The following PKP1 variants were observed in gnomAD, a reference collection of about 807,000 sequenced individuals.
The protein encoded by PKP1 is plakophilin-1.
A neutral mutation model predicts 76.4 loss-of-function variants in PKP1; 27 were observed. The ratio of observed to expected loss-of-function variants is 0.35; its 90% confidence interval spans 0.26 to 0.49. The LOEUF (loss-of-function observed/expected upper bound fraction) is 0.49, where lower values mean the gene tolerates loss of function less well. Among genes scored for constraint, PKP1 ranks in the 20% least tolerant of loss-of-function variants. The pLI, the probability that PKP1 is intolerant of heterozygous loss-of-function variation, is 0.99. For synonymous variants in PKP1, 404 were observed against 384.2 expected, an observed-to-expected ratio of 1.05 and a Z score of -0.60; for missense variants, 964 against 955.2, an observed-to-expected ratio of 1.01 and a Z score of -0.12.
At chr1:201,309,150 G>A (rs768653886) in intron 2 of PKP1, among the ~76,000 whole-genome samples, 13 of 151,978 alleles carry the variant, frequency 8.6e-5, no homozygotes, top group Admixed American at 2.6e-4. Context: ...TCTGGGGCTT[G>A]TATTGCTTCA....
intron 12 of PKP1, 192 bp from the exon 13 acceptor site, chr1:201,328,570 C>T (rs1657217047): frequency 4.7e-6 from 3 of 644,556 alleles, no homozygotes; most frequent in East Asian, 2.8e-5. Context: ...ACACATTGCA[C>T]CGACTCATGG....
At chr1:201,312,226 T>G (rs1656576882) in intron 2 of PKP1, among the ~76,000 whole-genome samples, 6 of 152,302 alleles carry the variant, frequency 3.9e-5, no homozygotes, top group Admixed American at 2.6e-4. Context: ...CTGTTACCCT[T>G]TGCTTCTTGC....
chr1:201,307,871 G>C (rs1047713309), intron 2 of PKP1, among the ~76,000 whole-genome samples: 2 of 152,206 alleles, frequency 1.3e-5, no homozygotes, highest in Non-Finnish European at 2.9e-5. Context: ...TTCATGAAAA[G>C]GGCCTTGGGA....
intron 1 of PKP1, among the ~76,000 whole-genome samples, chr1:201,286,374 G>A (rs1375399754): frequency 6.6e-6 from 1 of 152,164 alleles, no homozygotes; most frequent in Admixed American, 6.5e-5. Context: ...CAGGTTGCCT[G>A]GAAGAGTAGC....
chr1:201,319,677 A>G, intron 6 of PKP1: 1 of 819,870 alleles, frequency 1.2e-6, no homozygotes, highest in Non-Finnish European at 2.1e-6. Context: ...CTTGGGGATG[A>G]GCCCACATTG....
chr1:201,302,337 G>A (rs7548283), intron 2 of PKP1, among the ~76,000 whole-genome samples: 9,169 of 152,192 alleles, frequency 0.06, 891 homozygotes, highest in African/African-American at 0.2. Context: ...TTTGAGCGGG[G>A]TGTGAAGAGC....
At chr1:201,311,680 A>G (rs1023929590) in intron 2 of PKP1, among the ~76,000 whole-genome samples, 1 of 145,486 alleles carries the variant, frequency 6.9e-6, no homozygotes, top group African/African-American at 2.5e-5. Flanking sequence ...CCTCCCCTAC[A>G]CACACATACT....
intron 2 of PKP1, among the ~76,000 whole-genome samples, chr1:201,299,088 C>T (rs12089917): frequency 0.097 from 14,733 of 152,170 alleles, 2,353 homozygotes; most frequent in African/African-American, 0.33. Flanking sequence ...GGGAGAAACA[C>T]GGTAGGACTC....
chr1:201,296,283 C>T (rs553695640), intron 2 of PKP1, among the ~76,000 whole-genome samples: 11 of 152,110 alleles, frequency 7.2e-5, no homozygotes, highest in South Asian at 2.1e-4. Flanking sequence ...CAAAACCAAA[C>T]GAGGTCCAGA....
chr1:201,312,862 T>A (rs987900062), intron 2 of PKP1, among the ~76,000 whole-genome samples: 8 of 152,218 alleles, frequency 5.3e-5, no homozygotes, highest in Non-Finnish European at 1.0e-4. Flanking sequence ...CACAAAACAA[T>A]GTGTGACTTT....
At chr1:201,324,629 C>T (rs376016278) in intron 10 of PKP1, 48 bp downstream of exon 10, 678 of 1,601,900 alleles carry the variant, frequency 4.2e-4, no homozygotes, top group Middle Eastern at 6.6e-4. Flanking sequence ...ATGGCAGGCT[C>T]CCTACAATTC....
intron 9 of PKP1, 122 bp from the exon 10 acceptor site, chr1:201,324,306 G>C (rs1657040620): frequency 1.0e-6 from 1 of 996,670 alleles, no homozygotes; most frequent in South Asian, 1.4e-5. Flanking sequence ...GTGAGCTAGT[G>C]CTTCCAATAT....
chr1:201,316,663 A>G lies in PKP1; in HGVS notation c.812A>G (p.His271Arg), dbSNP rs1656757781. 3.7e-6 allele frequency: 6 copies of G among 1,613,992 alleles called. No individual in the cohort carries two copies. The highest frequency in any genetic ancestry group is 2.2e-5 in the East Asian group (1 of 44,886). ...YQAIGAYYIQ[H>R]TCFQDESAKQ... Reference sequence around the variant, plus strand: ...GCCATTGGGGCCTATTACATCCAGCATACCTGCTTCCAGGATGAATCTGCC... The same window carrying G: ...GCCATTGGGGCCTATTACATCCAGCGTACCTGCTTCCAGGATGAATCTGCC... The change falls in exon 4 of 14, where the codon CAT becomes CGT. Residue 271 changes from histidine (H) to arginine (R), a missense_variant. Coordinates refer to ENST00000367324, the MANE Select transcript of PKP1 (RefSeq NM_001005337.3).
chr1:201,312,364 C>T (rs1656581666), intron 2 of PKP1, among the ~76,000 whole-genome samples: 1 of 152,180 alleles, frequency 6.6e-6, no homozygotes, highest in Non-Finnish European at 1.5e-5. Flanking sequence ...TGAGAAGCTG[C>T]TGGTGTCTGG....
At chr1:201,311,956 A>G (rs1022416068) in intron 2 of PKP1, among the ~76,000 whole-genome samples, 1 of 152,230 alleles carries the variant, frequency 6.6e-6, no homozygotes, top group Non-Finnish European at 1.5e-5. Context: ...GCCCCTCCCA[A>G]GGAGGCCGAC....
chr1:201,324,890 C>T, intron 10 of PKP1, 51 bp from the exon 11 acceptor site: 1 of 1,558,610 alleles, frequency 6.4e-7, no homozygotes, highest in South Asian at 1.1e-5. Context: ...CCCCTCAGCC[C>T]TTCCTTCCCC....
intron 3 of PKP1, among the ~76,000 whole-genome samples, chr1:201,314,130 A>G (rs1316142722): frequency 6.6e-6 from 1 of 152,218 alleles, no homozygotes; most frequent in African/African-American, 2.4e-5. Flanking sequence ...GTAAATCCAA[A>G]GGACAAATAG....
intron 3 of PKP1, among the ~76,000 whole-genome samples, chr1:201,315,379 T>C (rs1656692704): frequency 6.6e-6 from 1 of 152,232 alleles, no homozygotes. Flanking sequence ...ACCATGGGTA[T>C]TTATTGACCA....
At position 201,332,060 on chromosome 1, in the gene PKP1, T is replaced by A. The variant is rs907173066; in HGVS notation, c.*2019T>A. 1 of 152,516 alleles carries A rather than the reference T, an allele frequency of 6.6e-6. No homozygotes were observed. The highest frequency in any genetic ancestry group is 6.5e-5 in the Admixed American group (1 of 15,292). 9.4% of individuals were successfully genotyped at this position (152,516 alleles called of 1,614,324 possible). The stretch of plus-strand genomic sequence containing the variant: ...AACACAGACCACATCCCTGTCCTCA[T>A]GCGGCTTATGTTTTCTGGAGGAAAG... On this transcript the variant is annotated 3_prime_UTR_variant, in exon 14 of 14. Transcript: ENST00000367324.
Sources: allele counts gnomAD v4.1 joint callset (sites outside exome capture counted in the v4.1 genomes callset), GRCh38; gene constraint gnomAD v4.1.1; transcripts MANE v1.5; gene names NCBI Gene and HGNC (gene_info 2026-07-23, HGNC 2026-07-21).